Variants in ZDHHC21 observed in about 807,000 individuals in gnomAD.
ZDHHC21 encodes zDHHC palmitoyltransferase 21, also known as palmitoyltransferase ZDHHC21.
A neutral mutation model predicts 34.6 loss-of-function variants in ZDHHC21; 15 were observed. That is an observed-to-expected ratio of 0.43 (90% CI 0.29 to 0.67). The LOEUF is 0.67. ZDHHC21 is among the 30% of genes least tolerant of loss of function. The pLI, the probability that ZDHHC21 is intolerant of heterozygous loss-of-function variation, is 0.14. For missense variants in ZDHHC21, 344 were observed against 327.7 expected (o/e 1.05, Z -0.38); for synonymous variants, 142 against 101.8 (o/e 1.40, Z -2.38).
rs1454520089 is a variant in ZDHHC21, at chr9:14,693,373, G to C, written c.-369C>G. The C allele has an allele frequency of 2.7e-6, 1 of 365,872 alleles. No homozygotes were observed. The highest frequency in any genetic ancestry group is 5.3e-6 in the Non-Finnish European group (1 of 188,414). 22.7% of individuals were successfully genotyped at this position (365,872 alleles called of 1,614,324 possible). A position where few individuals can be genotyped will look rare whatever the true frequency, so the allele number is the denominator to read the frequency against. On this transcript the variant is annotated 5_prime_UTR_variant, in exon 1 of 10. Transcript: ENST00000380916. Reference sequence around the variant, plus strand: ...CCCCTTCCGCTTCCGGGAGCCTGAGGGCCTGGACCGGCCGAGTGGGTGTCC... The same window carrying C: ...CCCCTTCCGCTTCCGGGAGCCTGAGCGCCTGGACCGGCCGAGTGGGTGTCC...
intron 8 of ZDHHC21, among the ~76,000 whole-genome samples, chr9:14,634,829 C>G (rs913491601): frequency 9.2e-5 from 14 of 152,024 alleles, no homozygotes; most frequent in Admixed American, 6.5e-5. Context: ...TACAATAATT[C>G]TCCAATAAAA....
chr9:14,592,894 GACAACAT>G, the ZDHHC21 span, among the ~76,000 whole-genome samples: 1 of 152,088 alleles, frequency 6.6e-6, no homozygotes, highest in Non-Finnish European at 1.5e-5. Context: ...TCGGAAATTA[GACAACAT>G]ACTTCTAAAC....
chr9:14,655,997 A>G (rs1832136782), intron 7 of ZDHHC21, among the ~76,000 whole-genome samples: 3 of 147,580 alleles, frequency 2.0e-5, no homozygotes, highest in African/African-American at 4.8e-5. Flanking sequence ...AGTTAAACTA[A>G]TAACAGAAAA....
chr9:14,691,250 T>C (rs934863694), intron 1 of ZDHHC21, among the ~76,000 whole-genome samples: 9 of 152,350 alleles, frequency 5.9e-5, no homozygotes, highest in African/African-American at 2.2e-4. Context: ...TGCTCCTTTA[T>C]TGACCTTCTC....
At chr9:14,594,900 G>A in the ZDHHC21 span, among the ~76,000 whole-genome samples, 1 of 152,070 alleles carries the variant, frequency 6.6e-6, no homozygotes, top group Non-Finnish European at 1.5e-5. Flanking sequence ...ATATCCAAAT[G>A]GTTAATAAAC....
intron 7 of ZDHHC21, among the ~76,000 whole-genome samples, chr9:14,654,243 C>T (rs959186345): frequency 5.3e-5 from 8 of 152,030 alleles, no homozygotes; most frequent in Admixed American, 5.2e-4. Flanking sequence ...ACAAATCCAG[C>T]AATCAAGATT....
At chr9:14,672,110 T>TA (rs1403048629) in intron 5 of ZDHHC21, among the ~76,000 whole-genome samples, 3 of 152,072 alleles carry the variant, frequency 2.0e-5, no homozygotes, top group Non-Finnish European at 4.4e-5. Flanking sequence ...CATTGTGTTT[T>TA]AAAAAAGCAG....
At chr9:14,625,479 TTC>T in intron 8 of ZDHHC21, among the ~76,000 whole-genome samples, 1 of 152,140 alleles carries the variant, frequency 6.6e-6, no homozygotes, top group African/African-American at 2.4e-5. Flanking sequence ...AAATGCCACT[TTC>T]TGACTGTATA....
chr9:14,660,136 G>A (rs1372602427), intron 6 of ZDHHC21, among the ~76,000 whole-genome samples: 1 of 151,920 alleles, frequency 6.6e-6, no homozygotes, highest in Non-Finnish European at 1.5e-5. Flanking sequence ...GAGGCCGAGG[G>A]GAGCAGATCA....
rs1289685366 is a variant in ZDHHC21 at position 14,664,494 on chromosome 9, G to T, written c.254-2168C>A. ...CAAAGCAGCCGGGAAGCTCGAACTG[G>T]CTGGAGCCCACCACAGCTCAAGGAG... On this transcript the variant is annotated intron_variant, in intron 5 of 9. Coordinates refer to ENST00000380916, the MANE Select transcript of ZDHHC21 (RefSeq NM_178566.6). Among the ~76,000 whole-genome samples, 18 of 152,004 alleles carry T rather than the reference G, an allele frequency of 1.2e-4. No individual in the cohort carries two copies. In the East Asian group the frequency reaches 3.3e-3, roughly 28 times the overall value.
chr9:14,654,053 T>C (rs1006349012), intron 7 of ZDHHC21, among the ~76,000 whole-genome samples: 1 of 151,912 alleles, frequency 6.6e-6, no homozygotes, highest in Non-Finnish European at 1.5e-5. Context: ...CAATTCACAT[T>C]CAGTACTGAA....
At chr9:14,689,853 T>C (rs1189615311) in intron 2 of ZDHHC21, among the ~76,000 whole-genome samples, 1 of 152,122 alleles carries the variant, frequency 6.6e-6, no homozygotes, top group Non-Finnish European at 1.5e-5. Flanking sequence ...TCAGTCTCCA[T>C]TCTCCCTGGC....
chr9:14,652,858 ACAAGAAAG>A (rs1831467045), intron 7 of ZDHHC21, among the ~76,000 whole-genome samples: 3 of 152,036 alleles, frequency 2.0e-5, no homozygotes, highest in Non-Finnish European at 4.4e-5. Context: ...GAAAAGAAAA[ACAAGAAAG>A]TTAACACTTT....
rs1823746493 is a variant in ZDHHC21, at chr9:14,613,893, AT to A, written c.*5072del. On this transcript the variant is annotated 3_prime_UTR_variant, in exon 10 of 10. Transcript: ENST00000380916. ...ATTAAATAGCTGAGTTTTCCACATT[AT>A]TTTTAACACTTCACATGATCATACT... is the stretch of plus-strand genomic sequence containing the variant. 1 of 151,704 alleles carries A rather than the reference AT, an allele frequency of 6.6e-6. No homozygotes were observed. Among genetic ancestry groups the A allele is most frequent in the African/African-American group, 2.4e-5 (1 of 41,384 alleles). 9.4% of individuals were successfully genotyped at this position (151,704 alleles called of 1,614,324 possible).
rs1466200214 is a variant in ZDHHC21 at position 14,616,197 on chromosome 9, C to T, written c.*2769G>A. ...CTTGGTTGTCTTTGTAGCTACAATA[C>T]ATTTCTATGTTTTGTAATAAATTGG... is the stretch of plus-strand genomic sequence containing the variant. On this transcript the variant is annotated 3_prime_UTR_variant, in exon 10 of 10. Transcript: ENST00000380916. 4 of 151,648 alleles carry T rather than the reference C, an allele frequency of 2.6e-5. No individual in the cohort carries two copies. The highest frequency in any genetic ancestry group is 4.4e-5 in the Non-Finnish European group (3 of 67,738). The allele number at this position is 151,648 out of a possible 1,614,324, so 9.4% of individuals were successfully genotyped here. A position where few individuals can be genotyped will look rare whatever the true frequency, so the allele number is the denominator to read the frequency against.
At chr9:14,686,708 C>G (rs544272840) in intron 2 of ZDHHC21, among the ~76,000 whole-genome samples, 16 of 152,194 alleles carry the variant, frequency 1.1e-4, no homozygotes, top group African/African-American at 3.9e-4. Flanking sequence ...TATAGTGGCT[C>G]ATGCCTGTAA....
At chr9:14,671,092 G>A (rs1835361039) in intron 5 of ZDHHC21, among the ~76,000 whole-genome samples, 2 of 151,988 alleles carry the variant, frequency 1.3e-5, no homozygotes, top group South Asian at 4.2e-4. Context: ...TTTTAAGGGA[G>A]AGAAAAATCA....
intron 2 of ZDHHC21, chr9:14,683,535 C>A (rs1042238865): frequency 3.9e-5 from 6 of 152,154 alleles, no homozygotes; most frequent in Non-Finnish European, 8.8e-5. Context: ...CAATAACAGG[C>A]TCTGAAATTG....
At chr9:14,685,333 CA>C (rs1452634601) in intron 2 of ZDHHC21, among the ~76,000 whole-genome samples, 1 of 151,466 alleles carries the variant, frequency 6.6e-6, no homozygotes, top group African/African-American at 2.4e-5. Context: ...CCAGAATCTA[CA>C]AAGAACTCAA....
Sources: gnomAD v4.1 joint callset for allele counts (sites outside exome capture counted in the v4.1 genomes callset) on GRCh38, gnomAD v4.1.1 for gene constraint, MANE v1.5 for transcripts, NCBI Gene and HGNC (gene_info 2026-07-23, HGNC 2026-07-21) for gene names.